SPATA6L: variants seen among roughly 807,000 people sequenced by gnomAD.
SPATA6L encodes the protein spermatogenesis associated 6 like, also known as spermatogenesis associated 6-like protein.
Under a neutral mutation model 49.2 loss-of-function variants are expected in SPATA6L, and 68 were observed. The ratio of observed to expected loss-of-function variants is 1.38; its 90% CI spans 1.14 to 1.69. The LOEUF (loss-of-function observed/expected upper bound fraction) is 1.69, where lower values mean the gene tolerates loss of function less well. SPATA6L is among the 40% of genes most tolerant of loss of function. The pLI is 0.00. For missense variants in SPATA6L, 668 were observed against 464.3 expected, an observed-to-expected ratio of 1.44 and a Z score of -4.03; for synonymous variants, 198 against 165.7, an observed-to-expected ratio of 1.19 and a Z score of -1.50.
At position 4,651,026 on chromosome 9, in the gene SPATA6L, A is replaced by G. The variant is rs1836728800; in HGVS notation, c.226+5015T>C. On this transcript the variant is annotated intron_variant, in intron 3 of 11. Transcript: ENST00000682582. ...GTAGAAATAATTTTTTTTTTAAGAC[A>G]GAGTCCTGCTCTGTCACCCAAGCTG... is the stretch of plus-strand genomic sequence containing the variant. Among the ~76,000 whole-genome samples, 2 of 152,018 alleles carry G rather than the reference A, an allele frequency of 1.3e-5. 1 individual carries two copies. Among genetic ancestry groups the G allele is most frequent in the South Asian group, 4.2e-4 (2 of 4,804 alleles).
At position 4,617,936 on chromosome 9, in the gene SPATA6L, G is replaced by C; in HGVS notation, c.982C>G (p.Leu328Val). The change falls in exon 9 of 12, where the codon CTT becomes GTT. Residue 328 changes from leucine to valine, a missense_variant. Coordinates refer to ENST00000682582, the MANE Select transcript of SPATA6L (RefSeq NM_001353486.2). Reference sequence around the variant, plus strand: ...CTTGCCACTGACCTTTCTCTGAGAAGGGGCTGATCCAAGGGGCCAGGAGAG... The same window carrying C: ...CTTGCCACTGACCTTTCTCTGAGAACGGGCTGATCCAAGGGGCCAGGAGAG... ...STSPGPLDQP[L>V]LRERFHPGSQ... 6.2e-7 allele frequency: 1 copy of C among 1,611,676 alleles called. No individual in the cohort carries two copies. The highest frequency in any genetic ancestry group is 8.5e-7 in the Non-Finnish European group (1 of 1,178,642).
intron 4 of SPATA6L, among the ~76,000 whole-genome samples, chr9:4,631,461 T>C (rs1287173120): frequency 1.3e-5 from 2 of 152,124 alleles, no homozygotes; most frequent in South Asian, 4.1e-4. Context: ...TAATATTATA[T>C]ATTATCTGAT....
chr9:4,603,099 C>T (rs1353643249), intron 11 of SPATA6L, among the ~76,000 whole-genome samples: 4 of 152,194 alleles, frequency 2.6e-5, no homozygotes, highest in Admixed American at 6.5e-5. Context: ...TTGTTACATG[C>T]ATTCATAATC....
chr9:4,637,422 T>C (rs56221309), intron 3 of SPATA6L, among the ~76,000 whole-genome samples: 1,580 of 152,296 alleles, frequency 0.01, 32 homozygotes, highest in East Asian at 0.083. Flanking sequence ...TACCACTAAT[T>C]GATATTTTTG....
intron 4 of SPATA6L, among the ~76,000 whole-genome samples, chr9:4,629,769 G>GTGTGTATA (rs1311805859): frequency 3.8e-4 from 39 of 101,916 alleles, no homozygotes; most frequent in African/African-American, 1.8e-3. Flanking sequence ...GTGTGTGTGT[G>GTGTGTATA]TATATATATA....
intron 9 of SPATA6L, among the ~76,000 whole-genome samples, chr9:4,611,476 T>C (rs201113086): frequency 3.4e-5 from 5 of 149,198 alleles, no homozygotes; most frequent in African/African-American, 5.2e-5. Context: ...CCATAAAAAA[T>C]GATGAGTTCA....
At chr9:4,635,589 C>T (rs1414078538) in intron 3 of SPATA6L, among the ~76,000 whole-genome samples, 190 bp from the exon 4 acceptor site, 1 of 151,878 alleles carries the variant, frequency 6.6e-6, no homozygotes, top group East Asian at 1.9e-4. Context: ...TTAAAGCCTT[C>T]CAAAGTCATA....
At chr9:4,635,871 C>T (rs1342285305) in intron 3 of SPATA6L, among the ~76,000 whole-genome samples, 4 of 152,078 alleles carry the variant, frequency 2.6e-5, no homozygotes, top group Admixed American at 6.5e-5. Flanking sequence ...GTACCAACCC[C>T]GAGGACATTT....
At chr9:4,659,727 C>A (rs1382522800) in intron 2 of SPATA6L, among the ~76,000 whole-genome samples, 1 of 152,146 alleles carries the variant, frequency 6.6e-6, no homozygotes, top group Non-Finnish European at 1.5e-5. Flanking sequence ...CCAAGACAAT[C>A]CTAAGCCAAA....
chr9:4,605,579 T>C (rs1362488365), intron 9 of SPATA6L, 139 bp from the exon 10 acceptor site: 2 of 597,370 alleles, frequency 3.3e-6, no homozygotes, highest in South Asian at 2.3e-5. Flanking sequence ...CATAGTGTGA[T>C]TTCAATGTCT....
intron 4 of SPATA6L, among the ~76,000 whole-genome samples, chr9:4,634,638 C>T (rs1375952053): frequency 6.6e-6 from 1 of 152,112 alleles, no homozygotes; most frequent in African/African-American, 2.4e-5. Context: ...AAAAGTGTGG[C>T]CTTTTAAATG....
Position 4,662,499 on chromosome 9 carries a change from TC to T in SPATA6L, c.40-464del. 1 of 1,559,670 alleles carries T rather than the reference TC, an allele frequency of 6.4e-7. No homozygotes were observed. The highest frequency in any genetic ancestry group is 8.6e-7 in the Non-Finnish European group (1 of 1,162,196). ...CGGCGGCAGCAGGTTTGAGTTCCAG[TC>T]CCTGCTCAGCAGCCGCGCCACGGCC... On this transcript the variant is annotated intron_variant, in intron 1 of 11. Transcript: ENST00000682582. The surrounding 1 kb of genome is among the most constrained non-coding windows in gnomAD (Gnocchi z 4.9).
intron 3 of SPATA6L, among the ~76,000 whole-genome samples, chr9:4,652,701 C>T (rs188783406): frequency 1.0e-4 from 15 of 149,678 alleles, no homozygotes; most frequent in South Asian, 6.4e-4. Context: ...ATTAGCCAGG[C>T]GTGGTGGTGC....
intron 4 of SPATA6L, chr9:4,633,638 G>A (rs560571651): frequency 6.4e-6 from 1 of 156,880 alleles, no homozygotes; most frequent in African/African-American, 2.4e-5. Context: ...GGAAATAAGA[G>A]AGAGGCTGCA....
chr9:4,606,308 G>A lies in SPATA6L; in HGVS notation c.996-868C>T, dbSNP rs992927654. Among the ~76,000 whole-genome samples, 31 of 143,414 alleles carry A rather than the reference G, an allele frequency of 2.2e-4. 1 individual carries two copies. The highest frequency in any genetic ancestry group is 1.6e-3 in the South Asian group (7 of 4,368). The allele number at this position is 143,414 out of a possible 152,430, so 94.1% of individuals were successfully genotyped here. A position where few individuals can be genotyped will look rare whatever the true frequency, so the allele number is the denominator to read the frequency against. On this transcript the variant is annotated intron_variant, in intron 9 of 11. Transcript: ENST00000682582. ...GGTGGAGCCCACCACAGCTCAAGGA[G>A]GCCTGCCTGCCTCTGTAGGCGCCAC...
chr9:4,618,058 CATG>C lies in SPATA6L; in HGVS notation c.857_859del (p.Ser286del). 1.2e-6 allele frequency: 2 copies of C among 1,613,950 alleles called. No individual in the cohort carries two copies. Among genetic ancestry groups the C allele is most frequent in the Non-Finnish European group, 1.7e-6 (2 of 1,179,944 alleles). On this transcript the variant is annotated inframe_deletion, in exon 9 of 12. Transcript: ENST00000682582. ...CTTTCCAAACTGACTTGAATCTAAA[CATG>C]ATGATGAGTCACTCCTTAAAACAAT...
chr9:4,592,022 C>T (rs112950356), intron 13 of SPATA6L, among the ~76,000 whole-genome samples: 2 of 152,200 alleles, frequency 1.3e-5, no homozygotes, highest in Non-Finnish European at 2.9e-5. Flanking sequence ...GAAGGAAAAA[C>T]AGCAACAACA....
chr9:4,591,533 G>A (rs1487635606), intron 13 of SPATA6L, among the ~76,000 whole-genome samples: 1 of 152,220 alleles, frequency 6.6e-6, no homozygotes, highest in Non-Finnish European at 1.5e-5. Context: ...GACACTGGCT[G>A]ATCCATCCTC....
intron 9 of SPATA6L, among the ~76,000 whole-genome samples, chr9:4,606,062 G>A (rs1824820588): frequency 6.6e-6 from 1 of 152,090 alleles, no homozygotes; most frequent in African/African-American, 2.4e-5. Context: ...ATGGCACCTG[G>A]AAAATCGGGT....
Sources: gnomAD v4.1 joint callset for allele counts (sites outside exome capture counted in the v4.1 genomes callset) on GRCh38, gnomAD v4.1.1 for gene constraint, Gnocchi (gnomAD v3.1) non-coding constraint, MANE v1.5 for transcripts, NCBI Gene and HGNC (gene_info 2026-07-23, HGNC 2026-07-21) for gene names.